The following ZC3H4 variants were observed in gnomAD, a reference collection of about 807,000 sequenced individuals.
ZC3H4 encodes zinc finger CCCH-type containing 4.
A neutral mutation model predicts 108.3 loss-of-function variants in ZC3H4; 13 were observed. That is an observed-to-expected ratio of 0.12 (90% CI 0.08 to 0.19). The LOEUF is 0.19. Among genes scored for constraint, ZC3H4 ranks in the 10% least tolerant of loss-of-function variants. The pLI, the probability that ZC3H4 is intolerant of heterozygous loss-of-function variation, is 1.00. For missense variants in ZC3H4, 1,734 were observed against 1,838.8 expected (o/e 0.94, Z 1.04); for synonymous variants, 917 against 749.6 (o/e 1.22, Z -3.65).
At chr19:47,098,263 G>A (rs1352965065) in intron 2 of ZC3H4, among the ~76,000 whole-genome samples, 4 of 152,176 alleles carry the variant, frequency 2.6e-5, no homozygotes, top group Non-Finnish European at 5.9e-5. Flanking sequence ...GCCAAAGCAG[G>A]CAGATCACTT....
chr19:47,075,156 T>A (rs1203552338), intron 11 of ZC3H4, among the ~76,000 whole-genome samples: 3 of 152,084 alleles, frequency 2.0e-5, no homozygotes, highest in African/African-American at 7.2e-5. Context: ...TGTGGCTTCA[T>A]GGAGGAGGTG....
chr19:47,071,976 CGTGCATGTCTGCGTGCATGTCAGG>C lies in ZC3H4; in HGVS notation c.1924_1947del (p.Pro642_His649del), dbSNP rs745322568. 11 of 1,573,948 alleles carry C rather than the reference CGTGCATGTCTGCGTGCATGTCAGG, an allele frequency of 7.0e-6. No homozygotes were observed. Among genetic ancestry groups the C allele is most frequent in the South Asian group, 2.2e-5 (2 of 90,012 alleles). On this transcript the variant is annotated inframe_deletion, in exon 13 of 15. Transcript: ENST00000253048. ...ATGCCAGGGCCCATCGGCATGTCTG[CGTGCATGTCTGCGTGCATGTCAGG>C]GTGCATGTCCGGGTGCATGTCGGGG...
At position 47,067,431 on chromosome 19, in the gene ZC3H4, C is replaced by G; in HGVS notation, c.2837G>C (p.Gly946Ala). 6.2e-7 allele frequency: 1 copy of G among 1,603,870 alleles called. No homozygotes were observed. The highest frequency in any genetic ancestry group is 8.5e-7 in the Non-Finnish European group (1 of 1,174,400). Reference protein sequence around the residue: ...AVNIPLDPLPGHPLRDPRSQL... With the variant: ...AVNIPLDPLPAHPLRDPRSQL... The stretch of plus-strand genomic sequence containing the variant: ...TGACCGTGGGTCCCGCAGAGGGTGC[C>G]CGGGGAGTGGGTCCAGGGGAATGTT... Residue 946 changes from glycine (G) to alanine (A), a missense_variant, in exon 15 of 15, where the codon GGG (glycine) becomes GCG (alanine). Transcript: ENST00000253048. This position sits in a 1 kb window ranked among gnomAD's most constrained non-coding sequence, Gnocchi z 6.4.
rs765141669 is a variant in ZC3H4, at chr19:47,075,817, G to A, written c.1441-3104C>T. 2.0e-5 allele frequency among the ~76,000 whole-genome samples: 3 copies of A among 152,250 alleles called. No individual in the cohort carries two copies. In the South Asian group the frequency reaches 6.2e-4, roughly 32 times the overall value. ...CAGTGCAGAGGAGAAAGGAGCTCAGGCCCTGAATGGTTGACTCCACCATGG... is the reference window on the plus strand; with the variant it reads ...CAGTGCAGAGGAGAAAGGAGCTCAGACCCTGAATGGTTGACTCCACCATGG... On this transcript the variant is annotated intron_variant, in intron 11 of 14. Transcript: ENST00000253048.
At chr19:47,112,978 G>C (rs574888640) in intron 1 of ZC3H4, among the ~76,000 whole-genome samples, 1 of 152,146 alleles carries the variant, frequency 6.6e-6, no homozygotes, top group Non-Finnish European at 1.5e-5. Context: ...AGCGAGGGGG[G>C]TGGGGGGTTA....
In ZC3H4 at chr19:47,094,040, T is replaced by C. The variant is rs2057781543; in HGVS notation, c.422A>G (p.Asp141Gly). ...CTCACTGGGGCTGAAATCCGAGTCA[T>C]CTGAGAAGTCAGAGAAGTCATCGCT... ...SSSDDFSDFS[D>G]DSDFSPSEKG... The change falls in exon 4 of 15, where the codon GAT (aspartate) becomes GGT (glycine). Residue 141 changes from aspartate to glycine, a missense_variant. Physicochemically the swap from Asp to Gly is moderately conservative, Grantham distance 94. Around this residue, in one of 9 missense-constraint regions of ZC3H4, gnomAD observed 403 missense variants for 457.0 expected, o/e 0.88. Transcript: ENST00000253048. The C allele has an allele frequency of 6.2e-7, 1 of 1,614,158 alleles. No homozygotes were observed. Among genetic ancestry groups the C allele is most frequent in the Non-Finnish European group, 8.5e-7 (1 of 1,180,030 alleles).
chr19:47,094,134 GCA>G lies in ZC3H4; in HGVS notation c.382-56_382-55del, dbSNP rs1184263021. On this transcript the variant is annotated intron_variant, in intron 3 of 14. Coordinates refer to ENST00000253048, the MANE Select transcript of ZC3H4 (RefSeq NM_015168.2). ...AACCTGCCACAGGCAGGCCACTCGG[GCA>G]CAGTCAGCCTCAGGACAAACTATGC... 9.0e-5 allele frequency: 139 copies of G among 1,546,848 alleles called. 1 individual carries two copies. The African/African-American group carries it at 1.4e-3, about 15-fold the overall frequency.
intron 2 of ZC3H4, among the ~76,000 whole-genome samples, chr19:47,097,836 C>T (rs370662569): frequency 6.6e-6 from 1 of 152,188 alleles, no homozygotes; most frequent in Non-Finnish European, 1.5e-5. Flanking sequence ...GAAAAGCCTG[C>T]CGTGGCGGCC....
At chr19:47,084,716 G>A (rs1368092112) in intron 8 of ZC3H4, among the ~76,000 whole-genome samples, 1 of 152,168 alleles carries the variant, frequency 6.6e-6, no homozygotes, top group African/African-American at 2.4e-5. Flanking sequence ...CAACTGTGCA[G>A]GAACACGTCC....
At chr19:47,110,953 T>A (rs1265268100) in intron 2 of ZC3H4, 1 of 983,882 alleles carries the variant, frequency 1.0e-6, no homozygotes, top group South Asian at 4.7e-5. Flanking sequence ...AGGCAAAGTA[T>A]GGTCTGTGAA....
At chr19:47,068,830 C>T (rs368497539) in intron 14 of ZC3H4, among the ~76,000 whole-genome samples, 268 of 152,348 alleles carry the variant, frequency 1.8e-3, no homozygotes, top group African/African-American at 6.3e-3. Context: ...CTGTTGGCCA[C>T]TGTCTCCTCC....
intron 6 of ZC3H4, 147 bp downstream of exon 6, chr19:47,086,237 A>G (rs1016861623): frequency 2.3e-5 from 20 of 870,812 alleles, no homozygotes; most frequent in Non-Finnish European, 1.8e-6. Context: ...ATTTTTAAAC[A>G]CATACATCTG....
intron 2 of ZC3H4, chr19:47,096,722 G>A: frequency 1.2e-6 from 1 of 830,206 alleles, no homozygotes; most frequent in Non-Finnish European, 1.5e-6. Flanking sequence ...AAGTCTAGAA[G>A]GGATAAAGCT....
intron 10 of ZC3H4, 37 bp downstream of exon 10, chr19:47,082,147 G>A (rs200805432): frequency 1.5e-5 from 23 of 1,524,474 alleles, no homozygotes; most frequent in East Asian, 2.2e-5. Flanking sequence ...GAAGTTCTGC[G>A]CCCTCATTCA....
intron 9 of ZC3H4, among the ~76,000 whole-genome samples, 195 bp from the exon 10 acceptor site, chr19:47,082,490 T>G (rs1231126517): frequency 6.6e-6 from 1 of 152,132 alleles, no homozygotes; most frequent in Non-Finnish European, 1.5e-5. Context: ...TTTAAATATT[T>G]TTTTGTAGAG....
At chr19:47,093,770 C>T (rs1324999589) in intron 4 of ZC3H4, 200 bp downstream of exon 4, 11 of 474,598 alleles carry the variant, frequency 2.3e-5, no homozygotes, top group Non-Finnish European at 4.1e-5. Flanking sequence ...TTTGTGGGGT[C>T]TCACTTGGTT....
chr19:47,085,519 G>T, intron 6 of ZC3H4, 105 bp from the exon 7 acceptor site: 2 of 1,030,346 alleles, frequency 1.9e-6, no homozygotes, highest in South Asian at 3.4e-5. Context: ...CCATCCAGGG[G>T]ACTCATACCA....
intron 9 of ZC3H4, among the ~76,000 whole-genome samples, chr19:47,083,504 G>C (rs1246777642): frequency 1.3e-5 from 2 of 151,892 alleles, no homozygotes; most frequent in African/African-American, 4.8e-5. Context: ...CAGGAGTTTG[G>C]GACCAGCCTG....
At position 47,111,954 on chromosome 19, in the gene ZC3H4, T is replaced by TC. The variant is rs1038431770; in HGVS notation, c.161+469dup. Among the ~76,000 whole-genome samples, 57 of 151,244 alleles carry TC rather than the reference T, an allele frequency of 3.8e-4. 1 individual carries two copies. The highest frequency in any genetic ancestry group is 1.4e-3 in the African/African-American group (56 of 41,088). ...CTAAGAGCGGGGCTGTTGTTCGAGA[T>TC]CCCCCCAAAAAGGGTCCGGAGCCCC... On this transcript the variant is annotated intron_variant, in intron 2 of 14. Transcript: ENST00000253048.
Sources: allele counts gnomAD v4.1 joint callset (sites outside exome capture counted in the v4.1 genomes callset), GRCh38; gene constraint gnomAD v4.1.1; regional missense constraint gnomAD v4.1.1; non-coding constraint Gnocchi (gnomAD v3.1); transcripts MANE v1.5; gene names NCBI Gene and HGNC (gene_info 2026-07-23, HGNC 2026-07-21).